NRXN3: variants seen among roughly 807,000 people sequenced by gnomAD.
The protein encoded by NRXN3 is neurexin III.
In NRXN3, 32 loss-of-function variants were observed where a neutral mutation model predicts 137.6. The observed-to-expected ratio is 0.23, with a 90% CI of 0.18 to 0.31. The LOEUF (loss-of-function observed/expected upper bound fraction) is 0.31, where lower values mean the gene tolerates loss of function less well. Among genes scored for constraint, NRXN3 ranks in the 10% least tolerant of loss-of-function variants. The pLI, the probability that NRXN3 is intolerant of heterozygous loss-of-function variation, is 1.00. For missense variants in NRXN3, 1,574 were observed against 2,062.5 expected (o/e 0.76, Z 4.59); for synonymous variants, 798 against 784.5 (o/e 1.02, Z -0.29).
At chr14:79,427,855 C>A (rs1227013168) in intron 15 of NRXN3, among the ~76,000 whole-genome samples, 1 of 150,198 alleles carries the variant, frequency 6.7e-6, no homozygotes, top group Non-Finnish European at 1.5e-5. Context: ...AAATTAAAAA[C>A]TTATTGTCTC....
chr14:78,421,027 T>C (rs2093420463), intron 4 of NRXN3, among the ~76,000 whole-genome samples: 1 of 152,146 alleles, frequency 6.6e-6, no homozygotes, highest in Admixed American at 6.5e-5. Context: ...GAAAATGTGA[T>C]TACAAGGCAG....
intron 15 of NRXN3, among the ~76,000 whole-genome samples, chr14:79,451,316 GAT>G (rs748199693): frequency 6.6e-6 from 1 of 152,150 alleles, no homozygotes. Flanking sequence ...CTGACTGAAA[GAT>G]AGGTCATTTT....
chr14:79,103,778 T>C (rs1434359811), intron 15 of NRXN3, among the ~76,000 whole-genome samples: 1 of 152,214 alleles, frequency 6.6e-6, no homozygotes, highest in East Asian at 1.9e-4. Context: ...ATATTCTCCT[T>C]CTGTATTTCA....
chr14:79,043,228 T>C (rs770816842), intron 15 of NRXN3, among the ~76,000 whole-genome samples: 1 of 152,206 alleles, frequency 6.6e-6, no homozygotes, highest in Non-Finnish European at 1.5e-5. Flanking sequence ...GTCCTCTTTT[T>C]ACAGGCATCT....
chr14:79,539,738 AAAAT>A (rs1293294946), intron 16 of NRXN3, among the ~76,000 whole-genome samples: 7 of 152,100 alleles, frequency 4.6e-5, no homozygotes, highest in Non-Finnish European at 8.8e-5. Context: ...TCTTCTGGCA[AAAAT>A]AAATAAATAA....
At chr14:78,736,248 C>A (rs988248980) in intron 8 of NRXN3, among the ~76,000 whole-genome samples, 6 of 152,164 alleles carry the variant, frequency 3.9e-5, no homozygotes, top group African/African-American at 1.4e-4. Context: ...GCGTGGCCAT[C>A]CTGGAGTTCA....
chr14:79,401,601 C>T (rs1478157770), intron 15 of NRXN3, among the ~76,000 whole-genome samples: 1 of 152,114 alleles, frequency 6.6e-6, no homozygotes, highest in African/African-American at 2.4e-5. Context: ...TGTAATGCCT[C>T]AAGATCTACA....
At chr14:79,437,554 T>C (rs1255574106) in intron 15 of NRXN3, among the ~76,000 whole-genome samples, 2 of 152,172 alleles carry the variant, frequency 1.3e-5, no homozygotes, top group African/African-American at 4.8e-5. Flanking sequence ...GATTGATACA[T>C]CATGTTGTTA....
intron 15 of NRXN3, among the ~76,000 whole-genome samples, chr14:79,225,677 G>A (rs2070732509): frequency 6.6e-6 from 1 of 152,116 alleles, no homozygotes; most frequent in Admixed American, 6.6e-5. Context: ...TAAAATAAAA[G>A]TTGAAATTAT....
intron 6 of NRXN3, among the ~76,000 whole-genome samples, chr14:78,673,479 A>G (rs1472773727): frequency 6.6e-6 from 1 of 152,232 alleles, no homozygotes; most frequent in Non-Finnish European, 1.5e-5. Flanking sequence ...ATATGGTTCC[A>G]AAACACATGT....
At chr14:78,515,115 G>A (rs899634147) in intron 4 of NRXN3, among the ~76,000 whole-genome samples, 11 of 152,116 alleles carry the variant, frequency 7.2e-5, no homozygotes, top group South Asian at 2.1e-4. Flanking sequence ...GTTGAAAACC[G>A]CTGTATTAAA....
chr14:79,377,815 A>G (rs1225475249), intron 15 of NRXN3, among the ~76,000 whole-genome samples: 2 of 152,220 alleles, frequency 1.3e-5, no homozygotes, highest in Non-Finnish European at 2.9e-5. Context: ...ATTGGTGTTC[A>G]GCAAGTATCT....
intron 4 of NRXN3, among the ~76,000 whole-genome samples, chr14:78,629,618 C>A (rs187020127): frequency 6.6e-6 from 1 of 152,200 alleles, no homozygotes; most frequent in Non-Finnish European, 1.5e-5. Flanking sequence ...TCATTCCATA[C>A]AACGTAATTA....
At chr14:79,356,206 T>C (rs2093417182) in intron 15 of NRXN3, among the ~76,000 whole-genome samples, 2 of 152,200 alleles carry the variant, frequency 1.3e-5, no homozygotes, top group African/African-American at 4.8e-5. Context: ...AAACTAGCCT[T>C]CTTTGCTGCC....
chr14:79,381,635 G>A (rs576751016), intron 15 of NRXN3, among the ~76,000 whole-genome samples: 3 of 152,236 alleles, frequency 2.0e-5, no homozygotes, highest in East Asian at 1.9e-4. Flanking sequence ...TCAGTCAAAA[G>A]GAACTTGCTT....
chr14:78,240,481 G>T (rs577968074), intron 1 of NRXN3, among the ~76,000 whole-genome samples: 1 of 152,304 alleles, frequency 6.6e-6, no homozygotes, highest in African/African-American at 2.4e-5. Context: ...CTGTTATGGG[G>T]AGGGTGCTAA....
At chr14:79,642,831 G>T (rs2098439076) in intron 16 of NRXN3, among the ~76,000 whole-genome samples, 1 of 136,016 alleles carries the variant, frequency 7.4e-6, no homozygotes. Context: ...TCTTTGTGAA[G>T]CTGTACTAGC....
At chr14:79,597,658 T>C (rs2097873087) in intron 16 of NRXN3, among the ~76,000 whole-genome samples, 1 of 152,184 alleles carries the variant, frequency 6.6e-6, no homozygotes, top group African/African-American at 2.4e-5. Context: ...ATTACCTCCT[T>C]ATCTTCCTAT....
intron 10 of NRXN3, among the ~76,000 whole-genome samples, chr14:78,896,415 A>G (rs1431836606): frequency 6.6e-6 from 1 of 151,892 alleles, no homozygotes; most frequent in African/African-American, 2.4e-5. Context: ...GGTGATTACT[A>G]TTACGTATTT....
Sources: gnomAD v4.1 joint callset for allele counts (sites outside exome capture counted in the v4.1 genomes callset) on GRCh38, gnomAD v4.1.1 for gene constraint, MANE v1.5 for transcripts, NCBI Gene and HGNC (gene_info 2026-07-23, HGNC 2026-07-21) for gene names.